DNAJB6: variants seen among roughly 807,000 people sequenced by gnomAD.
DNAJB6 encodes dnaJ homolog subfamily B member 6.
Under a neutral mutation model 42.7 loss-of-function variants are expected in DNAJB6, and 16 were observed. That is an observed-to-expected ratio of 0.37 (90% CI 0.25 to 0.57). DNAJB6 has a LOEUF of 0.57. DNAJB6 is among the 20% of genes least tolerant of loss of function. The pLI is 0.74. For synonymous variants in DNAJB6, 170 were observed against 163.5 expected (o/e 1.04, Z -0.30); for missense variants, 347 against 416.8 (o/e 0.83, Z 1.46).
intron 5 of DNAJB6, among the ~76,000 whole-genome samples, chr7:157,367,916 A>C (rs1038824903): frequency 1.3e-5 from 2 of 152,086 alleles, no homozygotes; most frequent in African/African-American, 4.8e-5. Context: ...TTAAAGCAGC[A>C]TTGGACTAGC....
At chr7:157,403,866 A>G (rs1376413290) in intron 8 of DNAJB6, among the ~76,000 whole-genome samples, 1 of 152,240 alleles carries the variant, frequency 6.6e-6, no homozygotes, top group Non-Finnish European at 1.5e-5. Flanking sequence ...AGGCTGCTCC[A>G]GAGACTGCGG....
chr7:157,384,438 G>A (rs535043011), intron 6 of DNAJB6, among the ~76,000 whole-genome samples: 27 of 152,282 alleles, frequency 1.8e-4, no homozygotes, highest in Non-Finnish European at 3.7e-4. Context: ...TACAAGCCAC[G>A]CCAAAGCAAA....
At chr7:157,396,918 C>T (rs1801614514) in intron 8 of DNAJB6, among the ~76,000 whole-genome samples, 1 of 152,170 alleles carries the variant, frequency 6.6e-6, no homozygotes, top group Non-Finnish European at 1.5e-5. Context: ...CCACAGTGTG[C>T]TTTAGTTGGT....
chr7:157,396,248 C>A (rs1486882465), intron 8 of DNAJB6, among the ~76,000 whole-genome samples: 1 of 152,116 alleles, frequency 6.6e-6, no homozygotes, highest in Non-Finnish European at 1.5e-5. Context: ...TGTGCCTGGC[C>A]CCATGTTCCT....
At chr7:157,386,112 C>T in intron 8 of DNAJB6, 6 of 969,996 alleles carry the variant, frequency 6.2e-6, no homozygotes, top group Non-Finnish European at 7.4e-6. Context: ...AATGGTAATA[C>T]ATTTCTGGTT....
rs765815570 is a variant in DNAJB6 at position 157,367,413 on chromosome 7, A to C, written c.276A>C (p.Thr92=). The change falls in exon 5 of 10, where the codon ACA becomes ACC. Residue 92 remains threonine, a synonymous_variant. Transcript: ENST00000262177. The part of the protein sequence containing the change: ...HFDSPFEFGF[T]FRNPDDVFRE... ...ACAGTCCATTTGAATTTGGCTTCAC[A>C]TTCCGTAACCCAGATGATGTCTTCA... is the stretch of plus-strand genomic sequence containing the variant. 1.2e-6 allele frequency: 2 copies of C among 1,613,788 alleles called. No individual in the cohort carries two copies. Among genetic ancestry groups the C allele is most frequent in the East Asian group, 4.5e-5 (2 of 44,882 alleles).
rs141220603 is a variant in DNAJB6, at chr7:157,360,123, A to G, written c.65+1486A>G. Among the ~76,000 whole-genome samples the G allele has an allele frequency of 6.4e-3, 981 of 152,368 alleles. 12 individuals carry two copies. Among genetic ancestry groups the G allele is most frequent in the African/African-American group, 0.022 (908 of 41,574 alleles). On this transcript the variant is annotated intron_variant, in intron 2 of 9. Coordinates refer to ENST00000262177, the MANE Select transcript of DNAJB6 (RefSeq NM_058246.4). ...GTCTGTTTTTACGCTGCTGATAAAGACGTACCTGAGACTGGGAAGAAAAGG... is the reference window on the plus strand; with the variant it reads ...GTCTGTTTTTACGCTGCTGATAAAGGCGTACCTGAGACTGGGAAGAAAAGG...
chr7:157,369,317 A>C (rs945451992), intron 5 of DNAJB6: 1 of 456,736 alleles, frequency 2.2e-6, no homozygotes, highest in Non-Finnish European at 4.4e-6. Flanking sequence ...TGACCTTTGC[A>C]TCTTGCTGTA....
At chr7:157,358,010 T>C (rs1266796483) in intron 1 of DNAJB6, among the ~76,000 whole-genome samples, 1 of 152,212 alleles carries the variant, frequency 6.6e-6, no homozygotes, top group Non-Finnish European at 1.5e-5. Context: ...TCTTTCTCTC[T>C]TGGGAGATGT....
At chr7:157,365,644 C>T (rs1799806004) in intron 3 of DNAJB6, among the ~76,000 whole-genome samples, 1 of 152,058 alleles carries the variant, frequency 6.6e-6, no homozygotes, top group African/African-American at 2.4e-5. Flanking sequence ...GTGAAAGAAA[C>T]GATCTAATGG....
At chr7:157,381,979 G>A in intron 5 of DNAJB6, 2 of 267,544 alleles carry the variant, frequency 7.5e-6, no homozygotes, top group South Asian at 1.2e-4. Context: ...CCTCCATAAA[G>A]AATGTGTGTA....
At chr7:157,375,921 C>T (rs1274464478) in intron 5 of DNAJB6, among the ~76,000 whole-genome samples, 1 of 152,078 alleles carries the variant, frequency 6.6e-6, no homozygotes, top group East Asian at 1.9e-4. Flanking sequence ...GGTGCTTTTT[C>T]AGTTTTGTTT....
chr7:157,378,129 T>TTGA (rs1418448170), intron 5 of DNAJB6: 1 of 152,202 alleles, frequency 6.6e-6, no homozygotes, highest in African/African-American at 2.4e-5. Flanking sequence ...ACTCCAGGCA[T>TTGA]TGATGGTCCT....
chr7:157,357,685 G>A (rs925565785), intron 1 of DNAJB6, among the ~76,000 whole-genome samples: 4 of 152,126 alleles, frequency 2.6e-5, no homozygotes, highest in Admixed American at 2.6e-4. Context: ...GTTAGGAAAC[G>A]TCACATCTTA....
intron 6 of DNAJB6, among the ~76,000 whole-genome samples, chr7:157,383,277 A>C (rs1481193430): frequency 1.3e-5 from 2 of 152,136 alleles, no homozygotes; most frequent in Non-Finnish European, 2.9e-5. Context: ...AAGTGCTAGG[A>C]TTACAGGCAT....
intron 1 of DNAJB6, chr7:157,337,679 A>G (rs1027365813): frequency 6.6e-6 from 1 of 152,260 alleles, no homozygotes; most frequent in African/African-American, 2.4e-5. Context: ...ATTGTTCAGA[A>G]GTTTGTGGAA....
intron 1 of DNAJB6, among the ~76,000 whole-genome samples, chr7:157,353,370 A>C (rs138916874): frequency 4.4e-4 from 67 of 152,226 alleles, no homozygotes; most frequent in African/African-American, 1.5e-3. Context: ...AACTTCCCTT[A>C]ATCTTTCTGT....
In DNAJB6 at chr7:157,416,779, A is replaced by G. The variant is rs1380047562; in HGVS notation, c.*681A>G. ...TTTTGCTAATTATTTTTAGCAAAAA[A>G]TTTTTGCTCAGTGGCACTCTCCCTA... On this transcript the variant is annotated 3_prime_UTR_variant, in exon 10 of 10. Transcript: ENST00000262177. 1 of 152,100 alleles carries G rather than the reference A, an allele frequency of 6.6e-6. No individual in the cohort carries two copies. Among genetic ancestry groups the G allele is most frequent in the African/African-American group, 2.4e-5 (1 of 41,402 alleles). 9.4% of individuals were successfully genotyped at this position (152,100 alleles called of 1,614,324 possible). A position where few individuals can be genotyped will look rare whatever the true frequency, so the allele number is the denominator to read the frequency against.
chr7:157,359,594 T>TGG (rs1262542402), intron 2 of DNAJB6, among the ~76,000 whole-genome samples: 1 of 151,264 alleles, frequency 6.6e-6, no homozygotes, highest in East Asian at 2.0e-4. Flanking sequence ...GAGGCCTAGG[T>TGG]GGGAGGGTCA....
Sources: gnomAD v4.1 joint callset for allele counts (sites outside exome capture counted in the v4.1 genomes callset) on GRCh38, gnomAD v4.1.1 for gene constraint, MANE v1.5 for transcripts, NCBI Gene and HGNC (gene_info 2026-07-23, HGNC 2026-07-21) for gene names.